ASTN2: variants seen among roughly 807,000 people sequenced by gnomAD.
ASTN2 encodes astrotactin 2.
ASTN2 carries 54 observed loss-of-function variants against 139.8 expected under a neutral mutation model. The ratio of observed to expected loss-of-function variants is 0.39; its 90% confidence interval spans 0.31 to 0.48. ASTN2 has a LOEUF of 0.48. Ranked by LOEUF, ASTN2 falls within the 20% of genes least tolerant of loss-of-function variation. ASTN2 has a pLI of 0.95. For missense variants in ASTN2, 1,565 were observed against 1,725.1 expected (o/e 0.91, Z 1.64); for synonymous variants, 756 against 719.5 (o/e 1.05, Z -0.81).
chr9:116,763,444 G>A (rs570246582), intron 13 of ASTN2, among the ~76,000 whole-genome samples: 2 of 152,098 alleles, frequency 1.3e-5, no homozygotes, highest in Non-Finnish European at 2.9e-5. Context: ...ACCACTCAGC[G>A]CCCCCGAAAA....
intron 2 of ASTN2, among the ~76,000 whole-genome samples, chr9:117,235,733 T>A (rs991894117): frequency 6.6e-6 from 1 of 152,124 alleles, no homozygotes; most frequent in African/African-American, 2.4e-5. Context: ...ACCTCAGTAA[T>A]GAAGATAATA....
chr9:117,083,137 C>T (rs1455350053), intron 5 of ASTN2, among the ~76,000 whole-genome samples: 3 of 152,104 alleles, frequency 2.0e-5, no homozygotes, highest in Admixed American at 1.3e-4. Flanking sequence ...TCCTATTGGT[C>T]TATTTCCCAC....
At chr9:117,299,453 C>A (rs1000597279) in intron 1 of ASTN2, among the ~76,000 whole-genome samples, 18 of 152,240 alleles carry the variant, frequency 1.2e-4, no homozygotes, top group Admixed American at 5.2e-4. Flanking sequence ...TCTAAAAACT[C>A]TTCATGGAGG....
intron 16 of ASTN2, among the ~76,000 whole-genome samples, chr9:116,710,569 T>A (rs1828124159): frequency 6.6e-6 from 1 of 151,566 alleles, no homozygotes; most frequent in Non-Finnish European, 1.5e-5. Context: ...CTGTCTCTAC[T>A]AAAAATACAA....
At chr9:117,119,937 A>G (rs1829497365) in intron 4 of ASTN2, among the ~76,000 whole-genome samples, 1 of 150,084 alleles carries the variant, frequency 6.7e-6, no homozygotes, top group African/African-American at 2.5e-5. Flanking sequence ...TCCCTCACAC[A>G]GCTATTATTT....
intron 1 of ASTN2, among the ~76,000 whole-genome samples, chr9:117,316,571 A>T (rs72764147): frequency 0.095 from 14,499 of 152,186 alleles, 785 homozygotes; most frequent in South Asian, 0.12. Flanking sequence ...AGGAGCTAGA[A>T]GCTCTGCCCT....
chr9:117,146,861 A>C (rs1270142394), intron 3 of ASTN2, among the ~76,000 whole-genome samples: 3 of 152,176 alleles, frequency 2.0e-5, no homozygotes, highest in Non-Finnish European at 4.4e-5. Context: ...GTAGTAAACA[A>C]TAATTTATTG....
intron 19 of ASTN2, among the ~76,000 whole-genome samples, chr9:116,588,110 G>A (rs1854232252): frequency 6.6e-6 from 1 of 152,182 alleles, no homozygotes; most frequent in Non-Finnish European, 1.5e-5. Context: ...GCTGGAGAAT[G>A]AGGCACTGGG....
At chr9:116,474,793 T>C (rs1848925249) in intron 20 of ASTN2, among the ~76,000 whole-genome samples, 2 of 152,244 alleles carry the variant, frequency 1.3e-5, no homozygotes, top group South Asian at 4.1e-4. Flanking sequence ...TGAAGTTCTT[T>C]GCCCAAGGCC....
chr9:117,263,527 T>C (rs550987303), intron 2 of ASTN2, among the ~76,000 whole-genome samples: 1 of 152,214 alleles, frequency 6.6e-6, no homozygotes, highest in South Asian at 2.1e-4. Flanking sequence ...AAAATAGAAC[T>C]GGAATTGGCT....
At chr9:116,488,491 C>T (rs1284044772) in intron 19 of ASTN2, among the ~76,000 whole-genome samples, 1 of 152,076 alleles carries the variant, frequency 6.6e-6, no homozygotes, top group Non-Finnish European at 1.5e-5. Context: ...ATAAACATCG[C>T]AGTACTATTT....
At chr9:116,964,248 TGTGTGTGTGC>T (rs888013133) in intron 10 of ASTN2, among the ~76,000 whole-genome samples, 66 of 135,208 alleles carry the variant, frequency 4.9e-4, no homozygotes, top group East Asian at 4.2e-4. Flanking sequence ...TGTGTGTGTG[TGTGTGTGTGC>T]GCGCGCGCGC....
chr9:116,842,271 A>G (rs1160738192), intron 11 of ASTN2, among the ~76,000 whole-genome samples: 1 of 152,146 alleles, frequency 6.6e-6, no homozygotes, highest in Non-Finnish European at 1.5e-5. Flanking sequence ...AGGAAATGAA[A>G]TGCATATTTA....
chr9:117,270,982 G>C (rs558899017), intron 2 of ASTN2, among the ~76,000 whole-genome samples: 1 of 152,276 alleles, frequency 6.6e-6, no homozygotes, highest in Non-Finnish European at 1.5e-5. Flanking sequence ...GCTTTGAACA[G>C]ATACTTTCAA....
chr9:117,244,584 AGGG>A (rs1564501009), intron 2 of ASTN2, among the ~76,000 whole-genome samples: 1 of 3,302 alleles, frequency 3.0e-4, no homozygotes, highest in Non-Finnish European at 1.1e-3. Flanking sequence ...GGAGGGAGGG[AGGG>A]AGGGAGGGAG....
intron 20 of ASTN2, among the ~76,000 whole-genome samples, chr9:116,461,266 T>C (rs1284579559): frequency 1.3e-5 from 2 of 151,880 alleles, no homozygotes; most frequent in Admixed American, 6.6e-5. Context: ...CACTCCCACT[T>C]GAATACAAAA....
rs370185624 is a variant in ASTN2 at position 116,620,401 on chromosome 9, T to C, written c.3115A>G (p.Lys1039Glu). The C allele has an allele frequency of 6.2e-7, 1 of 1,613,972 alleles. No individual in the cohort carries two copies. The highest frequency in any genetic ancestry group is 1.3e-5 in the African/African-American group (1 of 74,884). Reference sequence around the variant, plus strand: ...CACCAGTCATCGATCACATCCCCTTTCCCTGAGCACCAGTAGGAACTCATC... The same window carrying C: ...CACCAGTCATCGATCACATCCCCTTCCCCTGAGCACCAGTAGGAACTCATC... The part of the protein sequence containing the change: ...ALMSSYWCSG[K>E]GDVIDDWCRC... The change falls in exon 18 of 23, where the codon AAA becomes GAA. Residue 1039 changes from lysine (K) to glutamate (E), a missense_variant. Transcript: ENST00000313400.
intron 16 of ASTN2, among the ~76,000 whole-genome samples, chr9:116,680,292 T>C (rs575578034): frequency 1.3e-5 from 2 of 152,328 alleles, no homozygotes; most frequent in African/African-American, 4.8e-5. Flanking sequence ...GATAAATTCC[T>C]GGACACATAC....
At chr9:117,278,421 C>T (rs140221413) in intron 2 of ASTN2, among the ~76,000 whole-genome samples, 21 of 152,284 alleles carry the variant, frequency 1.4e-4, no homozygotes, top group East Asian at 7.7e-4. Flanking sequence ...TTCACACTCA[C>T]GCACACTCCC....
Sources: gnomAD v4.1 joint callset for allele counts (sites outside exome capture counted in the v4.1 genomes callset) on GRCh38, gnomAD v4.1.1 for gene constraint, MANE v1.5 for transcripts, NCBI Gene and HGNC (gene_info 2026-07-23, HGNC 2026-07-21) for gene names.